Variants in GOSR2 observed in about 807,000 individuals in gnomAD.
GOSR2 encodes golgi SNAP receptor complex member 2, also known as 27 kDa Golgi SNARE protein.
In GOSR2, 20 loss-of-function variants were observed where a neutral mutation model predicts 27.9. The ratio of observed to expected loss-of-function variants is 0.72; its 90% CI spans 0.50 to 1.04. The LOEUF (loss-of-function observed/expected upper bound fraction) is 1.04. GOSR2 is among the 50% of genes least tolerant of loss of function. The pLI is 0.00. For synonymous variants in GOSR2, 91 were observed against 98.8 expected (o/e 0.92, Z 0.47); for missense variants, 261 against 270.5 (o/e 0.97, Z 0.25).
intron 6 of GOSR2, among the ~76,000 whole-genome samples, chr17:46,960,147 T>C (rs2147290922): frequency 6.6e-6 from 1 of 152,202 alleles, no homozygotes; most frequent in East Asian, 1.9e-4. Context: ...TGGAAAGAGC[T>C]CTCAAAGCTC....
downstream of GOSR2, among the ~76,000 whole-genome samples, chr17:46,946,836 C>T (rs993148566): frequency 6.6e-6 from 1 of 152,194 alleles, no homozygotes; most frequent in Non-Finnish European, 1.5e-5. Context: ...GCACTCTAGC[C>T]TGGGTGACGA....
chr17:46,975,248 G>C (rs1213783700), exon 7 of GOSR2: 1 of 152,176 alleles, frequency 6.6e-6, no homozygotes, highest in African/African-American at 2.4e-5. Context: ...CAAAGTTACA[G>C]AACTAGGAAG....
At chr17:46,931,782 C>T (rs751487672) in intron 3 of GOSR2, 3 of 502,460 alleles carry the variant, frequency 6.0e-6, no homozygotes, top group African/African-American at 3.9e-5. Context: ...GGTCAGTGAG[C>T]CTGCTTCCTG....
At position 46,947,192 on chromosome 17, in the gene GOSR2, A is replaced by G. The variant is rs1378403316; in HGVS notation, c.583+8488A>G. 2.0e-5 allele frequency among the ~76,000 whole-genome samples: 3 copies of G among 152,264 alleles called. No homozygotes were observed. The East Asian group carries it at 5.8e-4, about 29-fold the overall frequency. On this transcript the variant is annotated intron_variant, in intron 6 of 6. Transcript: ENST00000573224. ...GTCTCTGAAACCAGGAGGGCTGGGG[A>G]AGGACCCTGTGCATGTCCTAGATTC...
In GOSR2 at chr17:46,940,886, ACTTCT is replaced by A; in HGVS notation, c.*2131_*2135del. Reference sequence around the variant, plus strand: ...TGAGACTGCATGTTGTCACATGACCACTTCTCTTCACACATCTGCTTTCAGTGCCT... The same window carrying A: ...TGAGACTGCATGTTGTCACATGACCACTTCACACATCTGCTTTCAGTGCCT... On this transcript the variant is annotated 3_prime_UTR_variant, in exon 6 of 6. Transcript: ENST00000640051. The A allele has an allele frequency of 7.2e-7, 1 of 1,395,318 alleles. No individual in the cohort carries two copies. The allele number at this position is 1,395,318 out of a possible 1,614,324, so 86.4% of individuals were successfully genotyped here. A position where few individuals can be genotyped will look rare whatever the true frequency, so the allele number is the denominator to read the frequency against.
chr17:46,939,893 CAG>C lies in GOSR2; in HGVS notation c.*1135_*1136del. On this transcript the variant is annotated 3_prime_UTR_variant, in exon 6 of 6. Coordinates refer to ENST00000640051, the MANE Select transcript of GOSR2 (RefSeq NM_004287.5). ...TAATGTGGTGAATCACTGAAAGTCT[CAG>C]AAAGACCTGGTTAGTGTATGTTCTC... 1.1e-5 allele frequency: 11 copies of C among 993,152 alleles called. No homozygotes were observed. The highest frequency in any genetic ancestry group is 1.3e-5 in the Non-Finnish European group (11 of 833,794). The allele number at this position is 993,152 out of a possible 1,614,324, so 61.5% of individuals were successfully genotyped here. A position where few individuals can be genotyped will look rare whatever the true frequency, so the allele number is the denominator to read the frequency against.
chr17:46,943,524 C>T (rs1467823672), downstream of GOSR2, among the ~76,000 whole-genome samples: 1 of 152,248 alleles, frequency 6.6e-6, no homozygotes, highest in Non-Finnish European at 1.5e-5. Context: ...GAAGCCTGCC[C>T]CTCCCCTCCA....
chr17:46,931,211 A>C lies in GOSR2; in HGVS notation c.203+4A>C. ...ACAAAAGGCAAAATGCCAGACTGTA[A>C]GTGCTGACCTCTGACATGGCTCTGA... On this transcript the variant is annotated splice_donor_region_variant and intron_variant, in intron 3 of 5. Transcript: ENST00000640051. 7.7e-7 allele frequency: 1 copy of C among 1,299,632 alleles called. No homozygotes were observed. The highest frequency in any genetic ancestry group is 1.1e-6 in the Non-Finnish European group (1 of 892,788). 80.5% of individuals were successfully genotyped at this position (1,299,632 alleles called of 1,614,324 possible).
At chr17:46,935,249 T>G (rs899677411) in intron 5 of GOSR2, 80 bp downstream of exon 5, 1 of 1,608,010 alleles carries the variant, frequency 6.2e-7, no homozygotes, top group African/African-American at 1.3e-5. Context: ...GTTTATATTT[T>G]GATTACGTGT....
chr17:46,957,607 G>A (rs574010069), intron 6 of GOSR2, among the ~76,000 whole-genome samples: 1 of 141,940 alleles, frequency 7.0e-6, no homozygotes, highest in East Asian at 2.1e-4. Context: ...AGTGAGACTT[G>A]GTCTCAAAAC....
At chr17:46,973,247 C>T (rs1303518868) in intron 6 of GOSR2, 1 of 153,548 alleles carries the variant, frequency 6.5e-6, no homozygotes, top group Non-Finnish European at 1.5e-5. Context: ...CATTATCTAA[C>T]CACACAACCA....
downstream of GOSR2, among the ~76,000 whole-genome samples, chr17:46,946,188 C>T (rs1343018324): frequency 6.6e-6 from 1 of 151,130 alleles, no homozygotes; most frequent in Non-Finnish European, 1.5e-5. Context: ...GTAATCCCAG[C>T]ACTTTGGGAG....
intron 1 of GOSR2, among the ~76,000 whole-genome samples, chr17:46,925,525 C>G (rs2086367350): frequency 6.6e-6 from 1 of 152,190 alleles, no homozygotes; most frequent in African/African-American, 2.4e-5. Flanking sequence ...TATTTTTCCT[C>G]ATCTGTAGAA....
chr17:46,946,868 T>TA (rs962317332), downstream of GOSR2, among the ~76,000 whole-genome samples: 10 of 152,006 alleles, frequency 6.6e-5, no homozygotes, highest in South Asian at 2.1e-4. Context: ...GTTTCAATTT[T>TA]AAAAAAACAA....
intron 6 of GOSR2, among the ~76,000 whole-genome samples, chr17:46,955,022 G>C (rs2090616510): frequency 2.0e-5 from 3 of 152,088 alleles, no homozygotes; most frequent in African/African-American, 4.8e-5. Context: ...CCTTCTGCCT[G>C]ATTGCCCTGG....
intron 6 of GOSR2, among the ~76,000 whole-genome samples, chr17:46,959,725 G>A (rs1159862025): frequency 6.6e-6 from 1 of 152,016 alleles, no homozygotes; most frequent in Non-Finnish European, 1.5e-5. Context: ...TCCTATTCTG[G>A]GCTCTCTCCT....
chr17:46,941,205 T>G lies in GOSR2; in HGVS notation c.*2445T>G. The stretch of plus-strand genomic sequence containing the variant: ...AGAAAAGCCAAACTCCAAGACCAAG[T>G]AAGTTAGAGGAGTCTTGATTTTTTA... On this transcript the variant is annotated 3_prime_UTR_variant, in exon 6 of 6. Coordinates refer to ENST00000640051, the MANE Select transcript of GOSR2 (RefSeq NM_004287.5). 1 of 1,000,308 alleles carries G rather than the reference T, an allele frequency of 1.0e-6. No homozygotes were observed. Among genetic ancestry groups the G allele is most frequent in the African/African-American group, 1.7e-5 (1 of 57,778 alleles). The allele number at this position is 1,000,308 out of a possible 1,614,324, so 62.0% of individuals were successfully genotyped here.
At chr17:46,949,967 C>G (rs2090207600) in intron 6 of GOSR2, among the ~76,000 whole-genome samples, 1 of 152,190 alleles carries the variant, frequency 6.6e-6, no homozygotes, top group East Asian at 1.9e-4. Context: ...AGTCCCTGGT[C>G]CTCTGCACAC....
chr17:46,954,375 G>C (rs991001096), intron 6 of GOSR2, among the ~76,000 whole-genome samples: 1 of 152,164 alleles, frequency 6.6e-6, no homozygotes, highest in Non-Finnish European at 1.5e-5. Flanking sequence ...TGAGGGCTCT[G>C]TTCTGTTCCA....
Sources: allele counts gnomAD v4.1 joint callset (sites outside exome capture counted in the v4.1 genomes callset), GRCh38; gene constraint gnomAD v4.1.1; transcripts MANE v1.5; gene names NCBI Gene and HGNC (gene_info 2026-07-23, HGNC 2026-07-21).